SEPTIN11: variants seen among roughly 807,000 people sequenced by gnomAD.
The protein encoded by SEPTIN11 is septin 11, also known as septin-11.
Under a neutral mutation model 51.4 loss-of-function variants are expected in SEPTIN11, and 25 were observed. The observed-to-expected ratio is 0.49, with a 90% CI of 0.35 to 0.68. The LOEUF is 0.68. Among genes scored for constraint, SEPTIN11 ranks in the 30% least tolerant of loss-of-function variants. SEPTIN11 has a pLI of 0.00. For missense variants in SEPTIN11, 381 were observed against 520.8 expected (o/e 0.73, Z 2.61); for synonymous variants, 174 against 184.1 (o/e 0.95, Z 0.44).
intron 9 of SEPTIN11, among the ~76,000 whole-genome samples, chr4:77,033,473 G>C (rs1726818214): frequency 6.6e-6 from 1 of 152,016 alleles, no homozygotes; most frequent in African/African-American, 2.4e-5. Flanking sequence ...TGTAGGTAAG[G>C]CTTTATACTT....
At chr4:77,018,246 C>A (rs191175915) in intron 5 of SEPTIN11, among the ~76,000 whole-genome samples, 1 of 152,032 alleles carries the variant, frequency 6.6e-6, no homozygotes, top group Non-Finnish European at 1.5e-5. Context: ...GTCAGGAGAT[C>A]GAGACCATCC....
rs146874039 is a variant in SEPTIN11 at position 77,022,520 on chromosome 4, C to T, written c.953+1850C>T. Among the ~76,000 whole-genome samples the T allele has an allele frequency of 2.5e-3, 387 of 152,304 alleles. 1 individual carries two copies. Among genetic ancestry groups the T allele is most frequent in the African/African-American group, 8.6e-3 (356 of 41,564 alleles). Reference sequence around the variant, plus strand: ...CACAACTATTCAGTTCTGCCCTTGTCGTCCGAAAGCAGCCATAGACCATAC... The same window carrying T: ...CACAACTATTCAGTTCTGCCCTTGTTGTCCGAAAGCAGCCATAGACCATAC... On this transcript the variant is annotated intron_variant, in intron 7 of 9. Coordinates refer to ENST00000264893, the MANE Select transcript of SEPTIN11 (RefSeq NM_018243.4).
At chr4:77,012,860 G>T (rs1416868018) in intron 4 of SEPTIN11, among the ~76,000 whole-genome samples, 1 of 152,340 alleles carries the variant, frequency 6.6e-6, no homozygotes, top group East Asian at 1.9e-4. Flanking sequence ...GTAGTTTACA[G>T]AAAAATCTTC....
intron 2 of SEPTIN11, among the ~76,000 whole-genome samples, chr4:77,001,967 T>C (rs912652509): frequency 6.6e-6 from 1 of 152,198 alleles, no homozygotes; most frequent in Non-Finnish European, 1.5e-5. Flanking sequence ...AGTGAGACCC[T>C]GTCTGTTAAA....
chr4:77,012,060 G>A (rs185424585), intron 4 of SEPTIN11, 139 bp downstream of exon 4: 9 of 504,884 alleles, frequency 1.8e-5, no homozygotes, highest in Non-Finnish European at 2.6e-5. Flanking sequence ...TGAGAAAAAC[G>A]CTTCAAAACC....
In SEPTIN11 at chr4:77,035,020, G is replaced by T. The variant is rs1461534049; in HGVS notation, c.*508G>T. The T allele has an allele frequency of 2.0e-6, 2 of 985,636 alleles. No individual in the cohort carries two copies. The highest frequency in any genetic ancestry group is 1.2e-6 in the Non-Finnish European group (1 of 830,086). The allele number at this position is 985,636 out of a possible 1,614,324, so 61.1% of individuals were successfully genotyped here. A position where few individuals can be genotyped will look rare whatever the true frequency, so the allele number is the denominator to read the frequency against. On this transcript the variant is annotated 3_prime_UTR_variant, in exon 10 of 10. Coordinates refer to ENST00000264893, the MANE Select transcript of SEPTIN11 (RefSeq NM_018243.4). ...AGGTAGATTTGTACGTAGACAGACT[G>T]GTGAGCAAGCATTATATTTTATTTT...
At chr4:77,006,666 C>T (rs775483420) in intron 3 of SEPTIN11, among the ~76,000 whole-genome samples, 2 of 152,164 alleles carry the variant, frequency 1.3e-5, no homozygotes, top group Non-Finnish European at 2.9e-5. Context: ...AACATGTAGA[C>T]ATGAACAACA....
intron 7 of SEPTIN11, among the ~76,000 whole-genome samples, chr4:77,025,696 T>C (rs1726078560): frequency 6.6e-6 from 1 of 152,188 alleles, no homozygotes; most frequent in African/African-American, 2.4e-5. Context: ...GGGAATCTGA[T>C]TCTGTGGATG....
intron 1 of SEPTIN11, among the ~76,000 whole-genome samples, chr4:76,975,753 T>C (rs977320835): frequency 1.2e-4 from 18 of 152,204 alleles, no homozygotes; most frequent in African/African-American, 3.9e-4. Flanking sequence ...AGGATTCTCT[T>C]ACCAAATTTT....
Position 77,020,683 on chromosome 4 carries a change from C to A in SEPTIN11, c.953+13C>A. The stretch of plus-strand genomic sequence containing the variant: ...GCAAACCCTTCAGGTATGAAGGCAT[C>A]TAGCAATCAGGTGTCTCCCAGACAG... On this transcript the variant is annotated intron_variant, in intron 7 of 9. Transcript: ENST00000264893. The A allele has an allele frequency of 6.2e-7, 1 of 1,611,816 alleles. No homozygotes were observed. The highest frequency in any genetic ancestry group is 1.1e-5 in the South Asian group (1 of 90,854).
Position 77,024,488 on chromosome 4 carries a change from C to T in SEPTIN11, c.953+3818C>T, listed in dbSNP as rs977202352. On this transcript the variant is annotated intron_variant, in intron 7 of 9. Coordinates refer to ENST00000264893, the MANE Select transcript of SEPTIN11 (RefSeq NM_018243.4). The surrounding 1 kb of genome is among the most constrained non-coding windows in gnomAD (Gnocchi z 4.2). ...TTATAGGGTAGAAGAGGAGACGTCACGTGTCTCCCATGAGCCACTCCCTGC... is the reference window on the plus strand; with the variant it reads ...TTATAGGGTAGAAGAGGAGACGTCATGTGTCTCCCATGAGCCACTCCCTGC... Among the ~76,000 whole-genome samples, 1 of 152,096 alleles carries T rather than the reference C, an allele frequency of 6.6e-6. No homozygotes were observed. The highest frequency in any genetic ancestry group is 2.4e-5 in the African/African-American group (1 of 41,414).
At chr4:76,978,048 G>C (rs1722582676) in intron 1 of SEPTIN11, among the ~76,000 whole-genome samples, 1 of 152,172 alleles carries the variant, frequency 6.6e-6, no homozygotes, top group African/African-American at 2.4e-5. Context: ...AATTCTTACA[G>C]CTTTGCCAGA....
chr4:77,039,196 G>A (rs1337944784), downstream of SEPTIN11: 5 of 1,263,672 alleles, frequency 4.0e-6, no homozygotes, highest in Non-Finnish European at 5.1e-6. Context: ...TTCCACCATC[G>A]CCTCCTGTTC....
At position 77,038,595 on chromosome 4, in the gene SEPTIN11, T is replaced by C; in HGVS notation, c.*4083T>C. 2 of 993,418 alleles carry C rather than the reference T, an allele frequency of 2.0e-6. No homozygotes were observed. The highest frequency in any genetic ancestry group is 2.4e-6 in the Non-Finnish European group (2 of 835,004). The allele number at this position is 993,418 out of a possible 1,614,324, so 61.5% of individuals were successfully genotyped here. Reference sequence around the variant, plus strand: ...TGCCAAGACATAAAGCGGGGGAAAATATATTTTTACCCAAACATTATTTGT... The same window carrying C: ...TGCCAAGACATAAAGCGGGGGAAAACATATTTTTACCCAAACATTATTTGT... On this transcript the variant is annotated 3_prime_UTR_variant, in exon 10 of 10. Coordinates refer to ENST00000264893, the MANE Select transcript of SEPTIN11 (RefSeq NM_018243.4).
intron 9 of SEPTIN11, chr4:77,032,308 A>C (rs1726710845): frequency 6.6e-6 from 1 of 152,260 alleles, no homozygotes; most frequent in South Asian, 2.1e-4. Flanking sequence ...GCACAGATCC[A>C]AGTGACCAAA....
chr4:77,031,216 C>T (rs1726604681), intron 9 of SEPTIN11: 2 of 421,696 alleles, frequency 4.7e-6, no homozygotes, highest in Non-Finnish European at 8.4e-6. Flanking sequence ...CTGTTGTCTC[C>T]AGTAGCATCT....
intron 1 of SEPTIN11, among the ~76,000 whole-genome samples, chr4:76,994,271 A>G (rs1382197961): frequency 6.6e-6 from 1 of 152,090 alleles, no homozygotes; most frequent in Non-Finnish European, 1.5e-5. Flanking sequence ...ATAACCCAGG[A>G]CTCATTTCAA....
At chr4:76,951,071 C>T (rs1043135689) in intron 1 of SEPTIN11, among the ~76,000 whole-genome samples, 1 of 152,114 alleles carries the variant, frequency 6.6e-6, no homozygotes, top group African/African-American at 2.4e-5. Context: ...TAGTTACAGA[C>T]GAAAGACTTA....
At chr4:76,961,009 G>A (rs1455999755) in intron 1 of SEPTIN11, among the ~76,000 whole-genome samples, 4 of 152,144 alleles carry the variant, frequency 2.6e-5, no homozygotes, top group African/African-American at 9.7e-5. Context: ...TACTTGTCCT[G>A]TGCTCCATGT....
Sources: gnomAD v4.1 joint callset for allele counts (sites outside exome capture counted in the v4.1 genomes callset) on GRCh38, gnomAD v4.1.1 for gene constraint, Gnocchi (gnomAD v3.1) non-coding constraint, MANE v1.5 for transcripts, NCBI Gene and HGNC (gene_info 2026-07-23, HGNC 2026-07-21) for gene names.